DAPK1: variants seen among roughly 807,000 people sequenced by gnomAD.
DAPK1 encodes the protein death-associated protein kinase 1.
In DAPK1, 56 loss-of-function variants were observed where a neutral mutation model predicts 144.9. The ratio of observed to expected loss-of-function variants is 0.39; its 90% CI spans 0.31 to 0.48. DAPK1 has a LOEUF of 0.48. Ranked by LOEUF, DAPK1 falls within the 20% of genes least tolerant of loss-of-function variation. The pLI, the probability that DAPK1 is intolerant of heterozygous loss-of-function variation, is 0.95. For missense variants in DAPK1, 1,454 were observed against 1,875.4 expected (o/e 0.78, Z 4.15); for synonymous variants, 690 against 749.0 (o/e 0.92, Z 1.29).
In DAPK1 at chr9:87,706,440, G is replaced by A. The variant is rs1182468270; in HGVS notation, c.3369G>A (p.Val1123=). The change falls in exon 26 of 26, where the codon GTG becomes GTA. Residue 1123 remains valine, a synonymous_variant. Coordinates refer to ENST00000408954, the MANE Select transcript of DAPK1 (RefSeq NM_004938.4). The surrounding 1 kb of genome is among the most constrained non-coding windows in gnomAD (Gnocchi z 9.0). ...HRSWADEEDE[V]MVYGGVRIVP... The stretch of plus-strand genomic sequence containing the variant: ...CCTGGGCTGATGAGGAGGACGAGGT[G>A]ATGGTGTATGGTGGCGTGCGCATCG... 1 of 1,613,754 alleles carries A rather than the reference G, an allele frequency of 6.2e-7. No individual in the cohort carries two copies. The highest frequency in any genetic ancestry group is 8.5e-7 in the Non-Finnish European group (1 of 1,179,658).
chr9:87,640,497 G>C (rs1248474942), intron 8 of DAPK1, 47 bp downstream of exon 8: 2 of 1,591,284 alleles, frequency 1.3e-6, no homozygotes, highest in African/African-American at 1.3e-5. Flanking sequence ...GCCTCAGCCA[G>C]CCCAGAGCCT....
chr9:87,602,836 G>T (rs1360182896), intron 2 of DAPK1, among the ~76,000 whole-genome samples: 1 of 152,028 alleles, frequency 6.6e-6, no homozygotes, highest in Non-Finnish European at 1.5e-5. Context: ...GTTTCACCAT[G>T]TTGGCCAGGC....
chr9:87,499,284 A>G (rs1824309409), intron 2 of DAPK1, 145 bp downstream of exon 2: 4 of 766,846 alleles, frequency 5.2e-6, no homozygotes, highest in Non-Finnish European at 8.6e-6. Context: ...AAGAGTTACT[A>G]ACCCAGCGGT....
intron 21 of DAPK1, among the ~76,000 whole-genome samples, chr9:87,692,402 G>T (rs1323863419): frequency 6.6e-6 from 1 of 151,978 alleles, no homozygotes; most frequent in Non-Finnish European, 1.5e-5. Context: ...GCAGCATATA[G>T]TTGGGCCATG....
At position 87,558,688 on chromosome 9, in the gene DAPK1, G is replaced by GT. The variant is rs1259567455; in HGVS notation, c.63-46265dup. ...GATGGAGGGAGTTTTTGTTGACTTG[G>GT]TAGTTCCTGTCTGCAGACCCCTTCA... On this transcript the variant is annotated intron_variant, in intron 2 of 25. Coordinates refer to ENST00000408954, the MANE Select transcript of DAPK1 (RefSeq NM_004938.4). Among the ~76,000 whole-genome samples, 4 of 152,194 alleles carry GT rather than the reference G, an allele frequency of 2.6e-5. No individual in the cohort carries two copies. The East Asian group carries it at 7.7e-4, about 29-fold the overall frequency.
intron 25 of DAPK1, among the ~76,000 whole-genome samples, chr9:87,703,829 AC>A (rs1746364724): frequency 6.6e-6 from 1 of 152,032 alleles, no homozygotes; most frequent in Admixed American, 6.5e-5. Flanking sequence ...CGGTTTGGAA[AC>A]CCTGTTCTAA....
At chr9:87,499,244 C>A in intron 2 of DAPK1, 105 bp downstream of exon 2, 1 of 1,028,476 alleles carries the variant, frequency 9.7e-7, no homozygotes, top group South Asian at 1.4e-5. Context: ...TCTCCCTCGC[C>A]CTTTCTGGAG....
At chr9:87,594,635 C>T (rs59333537) in intron 2 of DAPK1, among the ~76,000 whole-genome samples, 6,571 of 152,320 alleles carry the variant, frequency 0.043, 487 homozygotes, top group African/African-American at 0.15. Context: ...TTGGAGGTAG[C>T]TGTCATGGCC....
chr9:87,569,552 G>T (rs1827257458), intron 2 of DAPK1, among the ~76,000 whole-genome samples: 1 of 152,186 alleles, frequency 6.6e-6, no homozygotes, highest in Non-Finnish European at 1.5e-5. Context: ...TTTTGAAATG[G>T]ATGTCAGTTT....
chr9:87,577,955 C>T lies in DAPK1; in HGVS notation c.63-26999C>T, dbSNP rs553880275. ...AACTGGAGGAAGAATTATTTTGGAA[C>T]AGGTGCTCAGAGGCGATGACAGGGA... is the stretch of plus-strand genomic sequence containing the variant. On this transcript the variant is annotated intron_variant, in intron 2 of 25. Coordinates refer to ENST00000408954, the MANE Select transcript of DAPK1 (RefSeq NM_004938.4). Among the ~76,000 whole-genome samples the T allele has an allele frequency of 2.8e-4, 43 of 152,238 alleles. 1 individual carries two copies. The highest frequency in any genetic ancestry group is 9.4e-4 in the African/African-American group (39 of 41,530).
rs1276888145 is a variant in DAPK1, at chr9:87,637,235, A to C, written c.285-708A>C. ...CAGTCTCCCGAGTAGCTGAGACTAC[A>C]GGCACACGTCACCATGCCCAGTTGT... On this transcript the variant is annotated intron_variant, in intron 3 of 25. Coordinates refer to ENST00000408954, the MANE Select transcript of DAPK1 (RefSeq NM_004938.4). 3.3e-5 allele frequency among the ~76,000 whole-genome samples: 5 copies of C among 152,194 alleles called. No individual in the cohort carries two copies. In the South Asian group the frequency reaches 1.0e-3, roughly 32 times the overall value.
At chr9:87,589,055 ATTT>A (rs35875159) in intron 2 of DAPK1, among the ~76,000 whole-genome samples, 15 of 101,160 alleles carry the variant, frequency 1.5e-4, no homozygotes, top group Non-Finnish European at 1.2e-4. Context: ...CGCCCGGCTA[ATTT>A]TTTTTTTTTT....
At chr9:87,691,631 T>C (rs1240310827) in intron 21 of DAPK1, among the ~76,000 whole-genome samples, 2 of 152,120 alleles carry the variant, frequency 1.3e-5, no homozygotes, top group Non-Finnish European at 2.9e-5. Flanking sequence ...TTTATTGTTA[T>C]AAACTTCCTT....
chr9:87,505,110 G>T (rs1053494460), intron 2 of DAPK1, among the ~76,000 whole-genome samples: 1 of 152,186 alleles, frequency 6.6e-6, no homozygotes, highest in Non-Finnish European at 1.5e-5. Context: ...TTAGGGGTGA[G>T]GGGCTGAGCT....
chr9:87,645,743 G>A lies in DAPK1; in HGVS notation c.1012-152G>A, dbSNP rs963519344. 4.5e-5 allele frequency: 41 copies of A among 910,730 alleles called. No homozygotes were observed. The African/African-American group carries it at 6.3e-4, about 14-fold the overall frequency. 56.4% of individuals were successfully genotyped at this position (910,730 alleles called of 1,614,324 possible). ...TGGAAGGGGCAAAAATTCCTTCCTAGGTCCCTCCATGACTGTATGGATTTG... is the reference window on the plus strand; with the variant it reads ...TGGAAGGGGCAAAAATTCCTTCCTAAGTCCCTCCATGACTGTATGGATTTG... On this transcript the variant is annotated intron_variant, in intron 11 of 25. Transcript: ENST00000408954.
chr9:87,566,788 G>A (rs1827142633), intron 2 of DAPK1, among the ~76,000 whole-genome samples: 1 of 152,218 alleles, frequency 6.6e-6, no homozygotes, highest in African/African-American at 2.4e-5. Flanking sequence ...TGAAAGGAAA[G>A]CAGCAAACAC....
At chr9:87,671,146 T>C (rs1373122614) in intron 19 of DAPK1, among the ~76,000 whole-genome samples, 1 of 152,148 alleles carries the variant, frequency 6.6e-6, no homozygotes, top group Non-Finnish European at 1.5e-5. Flanking sequence ...ACTGGCATAG[T>C]GAGGAGTAGA....
intron 3 of DAPK1, among the ~76,000 whole-genome samples, chr9:87,613,571 C>T (rs1056058768): frequency 1.3e-5 from 2 of 152,272 alleles, no homozygotes; most frequent in Admixed American, 6.5e-5. Context: ...TGTATGTCAG[C>T]GTGGTGCATG....
chr9:87,600,654 A>G (rs916500352), intron 2 of DAPK1, among the ~76,000 whole-genome samples: 5 of 152,230 alleles, frequency 3.3e-5, no homozygotes, highest in Non-Finnish European at 5.9e-5. Context: ...CATTAATAAT[A>G]AGGATCACTT....
Sources: allele counts gnomAD v4.1 joint callset (sites outside exome capture counted in the v4.1 genomes callset), GRCh38; gene constraint gnomAD v4.1.1; non-coding constraint Gnocchi (gnomAD v3.1); transcripts MANE v1.5; gene names NCBI Gene and HGNC (gene_info 2026-07-23, HGNC 2026-07-21).